MYLK: variants seen among roughly 807,000 people sequenced by gnomAD.
MYLK encodes the protein myosin light chain kinase.
In MYLK, 106 loss-of-function variants were observed where a neutral mutation model predicts 203.4. The observed-to-expected ratio is 0.52, with a 90% CI of 0.45 to 0.61. MYLK has a LOEUF of 0.61. Among genes scored for constraint, MYLK ranks in the 20% least tolerant of loss-of-function variants. The probability of loss-of-function intolerance (pLI) is 0.00; values close to 1 mark genes in which losing one functional copy is unlikely to be tolerated. For missense variants in MYLK, 2,072 were observed against 2,442.3 expected (o/e 0.85, Z 3.20); for synonymous variants, 867 against 959.5 (o/e 0.90, Z 1.78).
chr3:123,700,378 C>T lies in MYLK; in HGVS notation c.3090G>A (p.Lys1030=). The T allele has an allele frequency of 1.2e-6, 2 of 1,613,852 alleles. No homozygotes were observed. Among genetic ancestry groups the T allele is most frequent in the Non-Finnish European group, 1.7e-6 (2 of 1,179,960 alleles). ...SGPLKPVGNA[K]PAETLKPMGN... ...CCATTGGCTTCAGGGTCTCAGCAGG[C>T]TTGGCGTTGCCCACGGGTTTCAAGG... Residue 1030 remains lysine (K), a synonymous_variant, in exon 18 of 34, where the codon AAG becomes AAA. Transcript: ENST00000360304.
chr3:123,723,995 C>T (rs1206537490), intron 12 of MYLK, among the ~76,000 whole-genome samples: 2 of 152,140 alleles, frequency 1.3e-5, no homozygotes, highest in Non-Finnish European at 2.9e-5. Context: ...TAAAGTTTTA[C>T]TGCAACATAG....
At chr3:123,621,997 T>TGTTACTG (rs1196507688) in intron 31 of MYLK, 2 of 152,228 alleles carry the variant, frequency 1.3e-5, no homozygotes, top group Non-Finnish European at 2.9e-5. Context: ...TTCTGGGAGA[T>TGTTACTG]GTTACTGGTT....
intron 22 of MYLK, 58 bp from the exon 23 acceptor site, chr3:123,664,316 A>G: frequency 6.2e-7 from 1 of 1,610,874 alleles, no homozygotes; most frequent in East Asian, 2.2e-5. Context: ...TAGGAAAGGA[A>G]GGGGGCTCCT....
intron 30 of MYLK, among the ~76,000 whole-genome samples, chr3:123,628,183 A>ATGTG (rs1446273902): frequency 1.3e-5 from 2 of 152,152 alleles, no homozygotes; most frequent in Non-Finnish European, 2.9e-5. Flanking sequence ...GGAGTGTAGA[A>ATGTG]TGTGGCCTCT....
At position 123,611,419 on chromosome 3, in the gene MYLK, C is replaced by G. The variant is rs544085619; in HGVS notation, c.*2686G>C. 4 of 149,844 alleles carry G rather than the reference C, an allele frequency of 2.7e-5. No homozygotes were observed. Among genetic ancestry groups the G allele is most frequent in the Admixed American group, 1.3e-4 (2 of 15,072 alleles). 9.3% of individuals were successfully genotyped at this position (149,844 alleles called of 1,614,324 possible). A position where few individuals can be genotyped will look rare whatever the true frequency, so the allele number is the denominator to read the frequency against. ...CCAAAGTCACCAATTCAAACCATGCCCTGGTAAATAGTATCATCAGTGATG... is the reference window on the plus strand; with the variant it reads ...CCAAAGTCACCAATTCAAACCATGCGCTGGTAAATAGTATCATCAGTGATG... On this transcript the variant is annotated 3_prime_UTR_variant, in exon 34 of 34. Transcript: ENST00000360304.
Position 123,738,959 on chromosome 3 carries a change from G to C in MYLK, c.526C>G (p.Gln176Glu). ...KLGRVVVKEG[Q>E]MGRFSCKITG... ...ATCTTGCAGGAGAATCGTCCCATCTGTCCTTCTTTGACCACAACTCGGCCC... is the reference window on the plus strand; with the variant it reads ...ATCTTGCAGGAGAATCGTCCCATCTCTCCTTCTTTGACCACAACTCGGCCC... Residue 176 changes from glutamine to glutamate, a missense_variant, in exon 7 of 34, where the codon CAG becomes GAG. This residue lies in a region of MYLK where 683 missense variants were observed against 643.8 expected (regional missense o/e 1.06). Transcript: ENST00000360304. The C allele has an allele frequency of 6.2e-7, 1 of 1,613,406 alleles. No homozygotes were observed. The highest frequency in any genetic ancestry group is 8.5e-7 in the Non-Finnish European group (1 of 1,179,760).
intron 3 of MYLK, among the ~76,000 whole-genome samples, chr3:123,794,893 C>T (rs1035953395): frequency 6.6e-6 from 1 of 152,088 alleles, no homozygotes; most frequent in Non-Finnish European, 1.5e-5. Context: ...TTTTAATCCT[C>T]AGAACAACCC....
chr3:123,760,601 T>A (rs7633133), intron 4 of MYLK, among the ~76,000 whole-genome samples: 5 of 152,040 alleles, frequency 3.3e-5, no homozygotes, highest in Non-Finnish European at 7.3e-5. Context: ...TGAGGTACCC[T>A]AAACTCCATT....
intron 13 of MYLK, among the ~76,000 whole-genome samples, chr3:123,713,894 G>A (rs941993998): frequency 4.6e-5 from 7 of 152,056 alleles, no homozygotes; most frequent in Admixed American, 2.6e-4. Flanking sequence ...TGGTAATATT[G>A]CAGGGTTTTA....
intron 31 of MYLK, chr3:123,622,165 C>T (rs1419168064): frequency 3.3e-5 from 5 of 152,430 alleles, no homozygotes; most frequent in African/African-American, 7.2e-5. Flanking sequence ...CTAATCAACC[C>T]GATTCTCAGA....
At chr3:123,835,031 T>C (rs557407072) in intron 2 of MYLK, among the ~76,000 whole-genome samples, 2 of 152,352 alleles carry the variant, frequency 1.3e-5, no homozygotes, top group East Asian at 3.9e-4. Context: ...TATTTCTTTA[T>C]ATGTCTAAAT....
intron 13 of MYLK, among the ~76,000 whole-genome samples, chr3:123,718,457 TC>T (rs1377530677): frequency 1.3e-5 from 2 of 152,204 alleles, no homozygotes; most frequent in Admixed American, 1.3e-4. Flanking sequence ...TCTCCTCTCC[TC>T]CAGAGGCCTG....
In MYLK at chr3:123,854,331, AATT is replaced by A. The variant is rs530198956; in HGVS notation, c.-127+22225_-127+22227del. On this transcript the variant is annotated intron_variant, in intron 2 of 33. Coordinates refer to ENST00000360304, the MANE Select transcript of MYLK (RefSeq NM_053025.4). ...TATAGTTTTTTCTTAAAAAATCTAT[AATT>A]ATTATCTTCCTGACTCTGAATATGG... Among the ~76,000 whole-genome samples the A allele has an allele frequency of 2.4e-4, 37 of 152,130 alleles. 1 individual carries two copies. In the South Asian group the frequency reaches 7.5e-3, roughly 31 times the overall value.
At chr3:123,670,839 G>A (rs542062359) in intron 20 of MYLK, among the ~76,000 whole-genome samples, 62 of 152,364 alleles carry the variant, frequency 4.1e-4, no homozygotes, top group South Asian at 1.0e-3. Flanking sequence ...CTATCACATT[G>A]TGTTGACGTA....
intron 31 of MYLK, chr3:123,621,991 G>A (rs891188986): frequency 6.6e-6 from 1 of 152,284 alleles, no homozygotes; most frequent in Non-Finnish European, 1.5e-5. Context: ...ATGCTCTTCT[G>A]GGAGATGTTA....
intron 5 of MYLK, 33 bp downstream of exon 5, chr3:123,752,298 C>T: frequency 6.2e-7 from 1 of 1,610,648 alleles, no homozygotes; most frequent in Non-Finnish European, 8.5e-7. Context: ...GAGAGCTCAG[C>T]TCCCTCCTGG....
At chr3:123,841,644 C>A (rs942590772) in intron 2 of MYLK, among the ~76,000 whole-genome samples, 6 of 152,108 alleles carry the variant, frequency 3.9e-5, no homozygotes, top group Non-Finnish European at 5.9e-5. Flanking sequence ...ATATTTCTAG[C>A]CTTTCTTTCC....
At chr3:123,776,854 A>G (rs2064096261) in intron 4 of MYLK, among the ~76,000 whole-genome samples, 1 of 152,246 alleles carries the variant, frequency 6.6e-6, no homozygotes, top group Admixed American at 6.5e-5. Flanking sequence ...TTAAAAATCA[A>G]GTCTGACCCA....
intron 3 of MYLK, among the ~76,000 whole-genome samples, chr3:123,803,856 C>T (rs2065277697): frequency 6.6e-6 from 1 of 152,218 alleles, no homozygotes; most frequent in Admixed American, 6.5e-5. Context: ...GTGATTCTAG[C>T]TCCTCTGCTT....
Sources: allele counts gnomAD v4.1 joint callset (sites outside exome capture counted in the v4.1 genomes callset), GRCh38; gene constraint gnomAD v4.1.1; regional missense constraint gnomAD v4.1.1; transcripts MANE v1.5; gene names NCBI Gene and HGNC (gene_info 2026-07-23, HGNC 2026-07-21).